Variants in CAST observed in about 807,000 individuals in gnomAD.
CAST encodes the protein MIR583 host.
CAST carries 76 observed loss-of-function variants against 119.6 expected under a neutral mutation model. The observed-to-expected ratio is 0.64, with a 90% CI of 0.53 to 0.77. The LOEUF is 0.77. Ranked by LOEUF, CAST falls within the 30% of genes least tolerant of loss-of-function variation. The probability of loss-of-function intolerance (pLI) is 0.00; values close to 1 mark genes in which losing one functional copy is unlikely to be tolerated. For missense variants in CAST, 953 were observed against 946.5 expected, an observed-to-expected ratio of 1.01 and a Z score of -0.09; for synonymous variants, 319 against 331.6, an observed-to-expected ratio of 0.96 and a Z score of 0.41.
chr5:96,451,832 G>A, the CAST span, among the ~76,000 whole-genome samples: 2 of 152,208 alleles, frequency 1.3e-5, no homozygotes, highest in African/African-American at 4.8e-5. Flanking sequence ...AGTGGGCAAA[G>A]GATGTAAACA....
At chr5:96,003,889 A>G in the CAST span, among the ~76,000 whole-genome samples, 1 of 152,338 alleles carries the variant, frequency 6.6e-6, no homozygotes, top group East Asian at 1.9e-4. Context: ...TCCAAAACAC[A>G]TATGAAGGAG....
In CAST at chr5:96,581,327, C is replaced by G. The variant is rs4499854; in HGVS notation, c.60+51447C>G. Among the ~76,000 whole-genome samples the G allele has an allele frequency of 3.8e-3, 576 of 151,956 alleles. 6 individuals are homozygous for G. The highest frequency in any genetic ancestry group is 0.014 in the African/African-American group (561 of 41,428). On this transcript the variant is annotated intron_variant, in intron 1 of 11. Coordinates refer to the CAST transcript ENST00000505143. ...TGACCTCAGTAGTGATCATGGCACA[C>G]AAATTAAAATAACAATGGGATATTT...
At chr5:96,720,036 A>G (rs1019396143) in intron 3 of CAST, among the ~76,000 whole-genome samples, 3 of 152,156 alleles carry the variant, frequency 2.0e-5, no homozygotes, top group Admixed American at 6.5e-5. Context: ...GATTATTTCT[A>G]CTAATGCCAT....
At chr5:96,015,148 G>A in the CAST span, among the ~76,000 whole-genome samples, 3 of 152,298 alleles carry the variant, frequency 2.0e-5, no homozygotes, top group Admixed American at 6.5e-5. Context: ...AGACAGCTAA[G>A]TCATGACTTC....
intron 28 of CAST, 21 bp downstream of exon 28, chr5:96,767,503 T>C: frequency 6.2e-7 from 1 of 1,604,616 alleles, no homozygotes; most frequent in Non-Finnish European, 8.5e-7. Context: ...TAGGAACATA[T>C]TTCCATTAAA....
At chr5:96,503,493 G>A in the CAST span, among the ~76,000 whole-genome samples, 4,710 of 152,224 alleles carry the variant, frequency 0.031, 88 homozygotes, top group Middle Eastern at 0.051. Context: ...GAAGAAAGGG[G>A]GAAAGAAAGC....
the CAST span, among the ~76,000 whole-genome samples, chr5:96,149,236 C>T: frequency 6.6e-6 from 1 of 152,210 alleles, no homozygotes; most frequent in Non-Finnish European, 1.5e-5. Flanking sequence ...GCAAGACTCC[C>T]TCCATAACTC....
the CAST span, among the ~76,000 whole-genome samples, chr5:96,355,986 C>G: frequency 2.0e-5 from 3 of 152,092 alleles, no homozygotes; most frequent in African/African-American, 7.2e-5. Flanking sequence ...AGGCATGAAC[C>G]ACTGCACCCG....
chr5:96,754,754 G>A lies in CAST; in HGVS notation c.1710+13G>A. The A allele has an allele frequency of 6.8e-7, 1 of 1,476,828 alleles. No homozygotes were observed. Among genetic ancestry groups the A allele is most frequent in the South Asian group, 1.2e-5 (1 of 86,200 alleles). The allele number at this position is 1,476,828 out of a possible 1,614,324, so 91.5% of individuals were successfully genotyped here. On this transcript the variant is annotated intron_variant, in intron 22 of 31. Coordinates refer to ENST00000675179, the MANE Select transcript of CAST (RefSeq NM_001750.7). ...AGAAGAGGTCAAGGTAAACAGGCTG[G>A]AGTCTTTTTCTATTTTATTTTAATT...
chr5:96,377,790 T>C, the CAST span, among the ~76,000 whole-genome samples: 1 of 152,200 alleles, frequency 6.6e-6, no homozygotes, highest in Non-Finnish European at 1.5e-5. Context: ...GGATGCTTTT[T>C]TCCCCCACTC....
the CAST span, among the ~76,000 whole-genome samples, chr5:96,161,434 A>G: frequency 6.6e-6 from 1 of 152,204 alleles, no homozygotes; most frequent in Non-Finnish European, 1.5e-5. Flanking sequence ...GTTGAAAACT[A>G]ACCAACCATA....
the CAST span, among the ~76,000 whole-genome samples, chr5:95,974,025 A>C: frequency 6.6e-6 from 1 of 151,736 alleles, no homozygotes; most frequent in Admixed American, 6.6e-5. Context: ...ACACACACAC[A>C]CACACCCCCA....
the CAST span, among the ~76,000 whole-genome samples, chr5:96,081,736 T>A: frequency 2.6e-5 from 4 of 152,084 alleles, no homozygotes; most frequent in African/African-American, 9.7e-5. Flanking sequence ...CCTGGAGAAA[T>A]GGAACTCTTT....
chr5:96,345,469 G>A, the CAST span, among the ~76,000 whole-genome samples: 3 of 152,150 alleles, frequency 2.0e-5, no homozygotes, highest in Non-Finnish European at 4.4e-5. Flanking sequence ...CTCTGTCTTT[G>A]ATCTGTCCTT....
the CAST span, among the ~76,000 whole-genome samples, chr5:96,396,564 A>AAAG: frequency 6.6e-6 from 1 of 151,392 alleles, no homozygotes; most frequent in Admixed American, 6.6e-5. Context: ...TCCGTCTCAA[A>AAAG]AAAAAAAAAA....
At chr5:96,231,170 T>A in the CAST span, among the ~76,000 whole-genome samples, 1 of 152,094 alleles carries the variant, frequency 6.6e-6, no homozygotes, top group Non-Finnish European at 1.5e-5. Flanking sequence ...CTAAACAACA[T>A]CTTGTAAATG....
At chr5:96,555,820 G>A (rs1580822533) in intron 1 of CAST, among the ~76,000 whole-genome samples, 1 of 152,218 alleles carries the variant, frequency 6.6e-6, no homozygotes, top group Admixed American at 6.5e-5. Context: ...CCAAACAAAA[G>A]GCAGCAGAAA....
the CAST span, among the ~76,000 whole-genome samples, chr5:96,455,351 C>G: frequency 3.1e-4 from 47 of 152,196 alleles, no homozygotes; most frequent in Non-Finnish European, 6.2e-4. Flanking sequence ...TAATTAGATG[C>G]TATCATAAAT....
chr5:96,708,613 C>T (rs1275643914), intron 3 of CAST, among the ~76,000 whole-genome samples: 1 of 152,128 alleles, frequency 6.6e-6, no homozygotes, highest in Non-Finnish European at 1.5e-5. Flanking sequence ...ACCTCAGCCT[C>T]CCAAGTAGCT....
Sources: gnomAD v4.1 joint callset for allele counts (sites outside exome capture counted in the v4.1 genomes callset) on GRCh38, gnomAD v4.1.1 for gene constraint, MANE v1.5 for transcripts, NCBI Gene and HGNC (gene_info 2026-07-23, HGNC 2026-07-21) for gene names.